Variants in LPP observed in about 807,000 individuals in gnomAD.
LPP encodes lipoma-preferred partner.
In LPP, 38 loss-of-function variants were observed where a neutral mutation model predicts 60.4. The ratio of observed to expected loss-of-function variants is 0.63; its 90% CI spans 0.49 to 0.83. The LOEUF (loss-of-function observed/expected upper bound fraction) is 0.83. Among genes scored for constraint, LPP ranks in the 40% least tolerant of loss-of-function variants. LPP has a pLI of 0.00. For missense variants in LPP, 902 were observed against 783.6 expected (o/e 1.15, Z -1.80); for synonymous variants, 328 against 290.8 (o/e 1.13, Z -1.30).
At chr3:188,441,613 T>TTTTTTTTTTTTTTTTTTTTTTC (rs1793936107) in intron 4 of LPP, among the ~76,000 whole-genome samples, 1 of 52,696 alleles carries the variant, frequency 1.9e-5, no homozygotes, top group Non-Finnish European at 3.3e-5. Context: ...TCTTTTCTTT[T>TTTTTTTTTTTTTTTTTTTTTTC]TTTTTTTTTT....
intron 7 of LPP, among the ~76,000 whole-genome samples, chr3:188,704,412 C>T (rs1394652665): frequency 6.6e-6 from 1 of 152,056 alleles, no homozygotes; most frequent in Non-Finnish European, 1.5e-5. Flanking sequence ...TAGAAGAGAA[C>T]CTGAAGTTAT....
intron 8 of LPP, among the ~76,000 whole-genome samples, chr3:188,713,802 T>A (rs1712640368): frequency 6.6e-6 from 1 of 152,222 alleles, no homozygotes; most frequent in Non-Finnish European, 1.5e-5. Context: ...ACCTTAAGAA[T>A]CCCTTCTTGG....
chr3:188,715,669 T>C (rs1713663564), intron 8 of LPP, among the ~76,000 whole-genome samples: 1 of 152,180 alleles, frequency 6.6e-6, no homozygotes, highest in Admixed American at 6.5e-5. Context: ...TGTCCAAGAC[T>C]TTTCTGTGTT....
chr3:188,220,574 T>C (rs1336367696), intron 1 of LPP, among the ~76,000 whole-genome samples: 2 of 152,194 alleles, frequency 1.3e-5, no homozygotes, highest in African/African-American at 2.4e-5. Flanking sequence ...CTCTGTGATG[T>C]TGAGCTTCAG....
chr3:188,746,522 A>G (rs759005184), intron 8 of LPP: 56 of 487,782 alleles, frequency 1.1e-4, no homozygotes, highest in African/African-American at 7.8e-5. Context: ...TTACAGTCCA[A>G]ATTTTTGCTG....
At chr3:188,378,488 C>A (rs113819642) in intron 3 of LPP, among the ~76,000 whole-genome samples, 1,703 of 152,306 alleles carry the variant, frequency 0.011, 28 homozygotes, top group African/African-American at 0.037. Flanking sequence ...GAGTGAGACT[C>A]CATGGGCTTA....
At chr3:188,375,228 AGT>A (rs568005461) in intron 3 of LPP, among the ~76,000 whole-genome samples, 2,817 of 152,326 alleles carry the variant, frequency 0.018, 46 homozygotes, top group Non-Finnish European at 0.032. Flanking sequence ...TCATAAAATG[AGT>A]TAGGGAGGAT....
chr3:188,321,354 TC>T (rs1756911046), intron 2 of LPP, among the ~76,000 whole-genome samples: 1 of 152,228 alleles, frequency 6.6e-6, no homozygotes, highest in Non-Finnish European at 1.5e-5. Flanking sequence ...ATAATTTTTT[TC>T]AATGAGCCTT....
chr3:188,397,413 T>C (rs1781203502), intron 3 of LPP, among the ~76,000 whole-genome samples: 1 of 152,186 alleles, frequency 6.6e-6, no homozygotes, highest in Admixed American at 6.5e-5. Flanking sequence ...CCATGTCTTT[T>C]TTTCCTTGAC....
At chr3:188,355,016 C>CT (rs893839547) in intron 3 of LPP, among the ~76,000 whole-genome samples, 3 of 151,912 alleles carry the variant, frequency 2.0e-5, no homozygotes, top group Non-Finnish European at 4.4e-5. Context: ...TTTGTTTTTT[C>CT]TTTTTTGTTT....
chr3:188,324,605 C>A (rs372233379), intron 2 of LPP, among the ~76,000 whole-genome samples: 1 of 152,308 alleles, frequency 6.6e-6, no homozygotes, highest in African/African-American at 2.4e-5. Flanking sequence ...ACTCTGATTG[C>A]TATCATTACT....
chr3:188,680,298 G>C (rs969074325), intron 7 of LPP, among the ~76,000 whole-genome samples: 2 of 152,068 alleles, frequency 1.3e-5, no homozygotes, highest in African/African-American at 4.8e-5. Context: ...AAATTGGATC[G>C]CTTCAGATTG....
chr3:188,224,339 A>G (rs1433024735), intron 1 of LPP, among the ~76,000 whole-genome samples: 1 of 152,226 alleles, frequency 6.6e-6, no homozygotes, highest in East Asian at 1.9e-4. Flanking sequence ...AGTGACAACA[A>G]TGAAATGGGC....
chr3:188,486,210 T>C (rs1806464941), intron 5 of LPP, among the ~76,000 whole-genome samples: 1 of 152,184 alleles, frequency 6.6e-6, no homozygotes, highest in Non-Finnish European at 1.5e-5. Flanking sequence ...TTAAATGGTT[T>C]GTTCTATTAT....
intron 9 of LPP, among the ~76,000 whole-genome samples, chr3:188,768,122 G>A (rs1406103843): frequency 6.6e-6 from 1 of 152,030 alleles, no homozygotes; most frequent in Non-Finnish European, 1.5e-5. Context: ...CTAAAGTACA[G>A]GTGAAAGAAA....
intron 9 of LPP, among the ~76,000 whole-genome samples, chr3:188,852,154 A>G (rs1051223752): frequency 6.6e-6 from 1 of 152,036 alleles, no homozygotes; most frequent in Non-Finnish European, 1.5e-5. Context: ...ACAGAGTGAG[A>G]CTCTGTCTCA....
At chr3:188,482,905 G>A (rs571242744) in intron 4 of LPP, among the ~76,000 whole-genome samples, 80 of 152,236 alleles carry the variant, frequency 5.3e-4, no homozygotes, top group African/African-American at 1.8e-3. Flanking sequence ...ATCACACAGG[G>A]ATTTATTAGA....
At chr3:188,746,771 A>G (rs1343510531) in intron 8 of LPP, 1 of 255,858 alleles carries the variant, frequency 3.9e-6, no homozygotes, top group East Asian at 8.1e-5. Context: ...TAATCTAAGT[A>G]TGGAAACTAC....
chr3:188,688,383 C>A (rs991591459), intron 7 of LPP, among the ~76,000 whole-genome samples: 1 of 152,166 alleles, frequency 6.6e-6, no homozygotes, highest in African/African-American at 2.4e-5. Context: ...ATAAATCTAC[C>A]CTTGGTGTTC....
Sources: gnomAD v4.1 joint callset for allele counts (sites outside exome capture counted in the v4.1 genomes callset) on GRCh38, gnomAD v4.1.1 for gene constraint, MANE v1.5 for transcripts, NCBI Gene and HGNC (gene_info 2026-07-23, HGNC 2026-07-21) for gene names.